Variants in KCNH8 observed in about 807,000 individuals in gnomAD.
KCNH8 encodes the protein voltage-gated delayed rectifier potassium channel KCNH8.
Under a neutral mutation model 103.6 loss-of-function variants are expected in KCNH8, and 70 were observed. That is an observed-to-expected ratio of 0.68 (90% CI 0.56 to 0.82). The LOEUF (loss-of-function observed/expected upper bound fraction) is 0.82. KCNH8 is among the 40% of genes least tolerant of loss of function. The pLI is 0.00. For missense variants in KCNH8, 1,217 were observed against 1,329.9 expected, an observed-to-expected ratio of 0.92 and a Z score of 1.32; for synonymous variants, 498 against 489.4, an observed-to-expected ratio of 1.02 and a Z score of -0.23.
At chr3:19,234,998 C>T (rs1424759180) in intron 1 of KCNH8, among the ~76,000 whole-genome samples, 1 of 152,174 alleles carries the variant, frequency 6.6e-6, no homozygotes, top group Non-Finnish European at 1.5e-5. Flanking sequence ...TTTTATTAAA[C>T]TTTGTTAAAT....
chr3:19,209,629 A>G (rs2063750031), intron 1 of KCNH8, among the ~76,000 whole-genome samples: 1 of 152,044 alleles, frequency 6.6e-6, no homozygotes, highest in Admixed American at 6.6e-5. Flanking sequence ...TAAGCAAATG[A>G]TTGTGCCTTC....
rs78996630 is a variant in KCNH8, at chr3:19,520,805, G to A, written c.2619+2731G>A. Among the ~76,000 whole-genome samples, 551 of 152,026 alleles carry A rather than the reference G, an allele frequency of 3.6e-3. 7 individuals are homozygous for A. Among genetic ancestry groups the A allele is most frequent in the African/African-American group, 0.013 (519 of 41,512 alleles). On this transcript the variant is annotated intron_variant, in intron 15 of 15. Transcript: ENST00000328405. ...GGGCCTTTGTGTGAGGTGTCAGAGC[G>A]CTGCAGAATCTCTATTCTGATATTT...
intron 1 of KCNH8, among the ~76,000 whole-genome samples, chr3:19,193,485 A>T (rs1049779255): frequency 2.0e-5 from 3 of 151,660 alleles, no homozygotes; most frequent in Non-Finnish European, 4.4e-5. Context: ...GACCCAAGAG[A>T]TACAATGATG....
intron 3 of KCNH8, 124 bp from the exon 4 acceptor site, chr3:19,342,463 C>A: frequency 1.3e-6 from 1 of 780,726 alleles, no homozygotes; most frequent in South Asian, 2.7e-5. Context: ...CATTAGGATC[C>A]AGCAGATTAT....
chr3:19,448,003 T>G (rs2067387595), intron 8 of KCNH8, among the ~76,000 whole-genome samples: 2 of 151,990 alleles, frequency 1.3e-5, no homozygotes, highest in African/African-American at 4.8e-5. Flanking sequence ...CGCTCTTTAC[T>G]ATTTAAGAGG....
intron 5 of KCNH8, among the ~76,000 whole-genome samples, chr3:19,348,566 A>G (rs1365404807): frequency 6.6e-6 from 1 of 152,016 alleles, no homozygotes; most frequent in East Asian, 1.9e-4. Context: ...CAATCTTGTA[A>G]GCCTTTTCCT....
intron 3 of KCNH8, among the ~76,000 whole-genome samples, chr3:19,289,891 T>A (rs1223129655): frequency 1.3e-5 from 2 of 152,204 alleles, no homozygotes; most frequent in Admixed American, 1.3e-4. Context: ...TGGAATATTC[T>A]TCCATTTGTT....
intron 5 of KCNH8, among the ~76,000 whole-genome samples, chr3:19,350,490 T>C (rs2065785218): frequency 6.6e-6 from 1 of 152,084 alleles, no homozygotes. Flanking sequence ...AGGGGCCAAC[T>C]GACACCTCAT....
chr3:19,295,670 G>A (rs563648211), intron 3 of KCNH8, among the ~76,000 whole-genome samples: 1 of 152,284 alleles, frequency 6.6e-6, no homozygotes, highest in South Asian at 2.1e-4. Context: ...GGCATTTTCT[G>A]TGGAAGCATG....
chr3:19,435,630 G>T lies in KCNH8; in HGVS notation c.1178-2534G>T, dbSNP rs571574123. On this transcript the variant is annotated intron_variant, in intron 7 of 15. Coordinates refer to ENST00000328405, the MANE Select transcript of KCNH8 (RefSeq NM_144633.3). The stretch of plus-strand genomic sequence containing the variant: ...TAGAACACCATTTTGAATTATAGGT[G>T]TGATTAAGTACTTGCTGATTATTTC... Among the ~76,000 whole-genome samples the T allele has an allele frequency of 3.5e-4, 54 of 152,282 alleles. No homozygotes were observed. The South Asian group carries it at 0.011, about 31-fold the overall frequency.
intron 1 of KCNH8, among the ~76,000 whole-genome samples, chr3:19,236,380 T>C (rs1181158660): frequency 1.3e-5 from 2 of 152,214 alleles, no homozygotes; most frequent in Non-Finnish European, 2.9e-5. Context: ...CTTCTCTTCT[T>C]ACGTCATCGT....
intron 1 of KCNH8, among the ~76,000 whole-genome samples, chr3:19,167,225 G>A (rs2063294005): frequency 6.6e-6 from 1 of 152,180 alleles, no homozygotes; most frequent in Admixed American, 6.5e-5. Flanking sequence ...TCAGACCTGT[G>A]TTTTAAGTTG....
rs185901132 is a variant in KCNH8 at position 19,325,169 on chromosome 3, G to A, written c.443-17418G>A. 9.7e-4 allele frequency among the ~76,000 whole-genome samples: 147 copies of A among 152,150 alleles called. No individual in the cohort carries two copies. The Middle Eastern group carries it at 0.014, about 14-fold the overall frequency. On this transcript the variant is annotated intron_variant, in intron 3 of 15. Coordinates refer to ENST00000328405, the MANE Select transcript of KCNH8 (RefSeq NM_144633.3). Reference sequence around the variant, plus strand: ...CATATGCAGAAGATTGAAACTGGACGTCTTCCTTACACCATATTAAAAAAT... The same window carrying A: ...CATATGCAGAAGATTGAAACTGGACATCTTCCTTACACCATATTAAAAAAT...
chr3:19,430,306 A>G (rs538295485), intron 7 of KCNH8, among the ~76,000 whole-genome samples: 4 of 152,038 alleles, frequency 2.6e-5, no homozygotes, highest in Admixed American at 1.3e-4. Flanking sequence ...TGGATTCCCT[A>G]TTCTGTTCCA....
At chr3:19,532,144 AC>A (rs2069173067) in intron 15 of KCNH8, among the ~76,000 whole-genome samples, 1 of 152,230 alleles carries the variant, frequency 6.6e-6, no homozygotes, top group Admixed American at 6.5e-5. Flanking sequence ...TGTGGTCGTT[AC>A]GAAAATAAAT....
chr3:19,193,652 AGAGG>A, intron 1 of KCNH8, among the ~76,000 whole-genome samples: 1 of 151,758 alleles, frequency 6.6e-6, no homozygotes, highest in East Asian at 1.9e-4. Context: ...AATTTTGAAT[AGAGG>A]GAAAATGCTA....
intron 1 of KCNH8, among the ~76,000 whole-genome samples, chr3:19,237,638 T>C (rs1251018276): frequency 6.6e-6 from 1 of 152,178 alleles, no homozygotes; most frequent in African/African-American, 2.4e-5. Flanking sequence ...ATGTAGACAA[T>C]GAAGACCCTG....
intron 12 of KCNH8, 58 bp downstream of exon 12, chr3:19,510,459 ATC>A (rs2068764628): frequency 3.4e-5 from 35 of 1,041,972 alleles, no homozygotes; most frequent in Non-Finnish European, 5.1e-5. Context: ...TTACCAATAA[ATC>A]TGTCTTGTCT....
chr3:19,320,090 C>T (rs1489108634), intron 3 of KCNH8, among the ~76,000 whole-genome samples: 1 of 151,936 alleles, frequency 6.6e-6, no homozygotes, highest in African/African-American at 2.4e-5. Context: ...TGTATACGTT[C>T]ATGTCATCAG....
Sources: allele counts gnomAD v4.1 joint callset (sites outside exome capture counted in the v4.1 genomes callset), GRCh38; gene constraint gnomAD v4.1.1; transcripts MANE v1.5; gene names NCBI Gene and HGNC (gene_info 2026-07-23, HGNC 2026-07-21).